SLC15A5: variants seen among roughly 807,000 people sequenced by gnomAD.
The protein encoded by SLC15A5 is solute carrier family 15 member 5.
A neutral mutation model predicts 56.1 loss-of-function variants in SLC15A5; 58 were observed. The observed-to-expected ratio is 1.03, with a 90% CI of 0.84 to 1.29. The LOEUF is 1.29. SLC15A5 is among the 50% of genes most tolerant of loss of function. The pLI, the probability that SLC15A5 is intolerant of heterozygous loss-of-function variation, is 0.00. For synonymous variants in SLC15A5, 264 were observed against 250.5 expected, an observed-to-expected ratio of 1.05 and a Z score of -0.51; for missense variants, 681 against 672.1, an observed-to-expected ratio of 1.01 and a Z score of -0.15.
intron 3 of SLC15A5, among the ~76,000 whole-genome samples, chr12:16,254,649 TAA>T (rs958142778): frequency 2.0e-5 from 3 of 152,122 alleles, no homozygotes; most frequent in African/African-American, 7.2e-5. Context: ...AGTGCTGCAA[TAA>T]ATATGAGGGT....
At chr12:16,259,831 C>T (rs766096500) in intron 2 of SLC15A5, among the ~76,000 whole-genome samples, 7 of 151,154 alleles carry the variant, frequency 4.6e-5, no homozygotes, top group Non-Finnish European at 1.0e-4. Flanking sequence ...TGGAGACTAG[C>T]CTTGCTGCAT....
chr12:16,230,640 G>A (rs931781877), intron 5 of SLC15A5, among the ~76,000 whole-genome samples: 19 of 151,902 alleles, frequency 1.3e-4, no homozygotes, highest in African/African-American at 2.2e-4. Context: ...AAGGCCGGGC[G>A]CGGTGGCTCA....
intron 3 of SLC15A5, among the ~76,000 whole-genome samples, chr12:16,257,240 C>T (rs1326671055): frequency 5.9e-5 from 9 of 151,706 alleles, no homozygotes; most frequent in Non-Finnish European, 1.2e-4. Flanking sequence ...ATAAATATAA[C>T]AAAATACAAG....
At chr12:16,246,082 C>T (rs144440414) in intron 3 of SLC15A5, among the ~76,000 whole-genome samples, 2 of 152,214 alleles carry the variant, frequency 1.3e-5, no homozygotes, top group African/African-American at 4.8e-5. Flanking sequence ...TTGGTAGTGA[C>T]CAAGAATGAT....
At chr12:16,229,099 T>C (rs1029960199) in intron 5 of SLC15A5, among the ~76,000 whole-genome samples, 3 of 152,252 alleles carry the variant, frequency 2.0e-5, no homozygotes, top group Admixed American at 2.0e-4. Context: ...TTGTTTCCAC[T>C]CTTGTCCACC....
intron 3 of SLC15A5, among the ~76,000 whole-genome samples, chr12:16,254,371 T>C (rs544841311): frequency 1.3e-5 from 2 of 152,168 alleles, no homozygotes; most frequent in East Asian, 1.9e-4. Context: ...AGCTTTAGTG[T>C]TGCGGCAAGA....
intron 4 of SLC15A5, among the ~76,000 whole-genome samples, chr12:16,244,142 T>C (rs930488709): frequency 8.5e-5 from 13 of 152,182 alleles, no homozygotes; most frequent in African/African-American, 3.1e-4. Context: ...TTAGTACTTA[T>C]ATTTAAGAGT....
chr12:16,273,509 A>G (rs1591664089), intron 1 of SLC15A5, among the ~76,000 whole-genome samples: 1 of 152,070 alleles, frequency 6.6e-6, no homozygotes, highest in East Asian at 1.9e-4. Flanking sequence ...AAAAATAACT[A>G]TACAATTCCA....
intron 7 of SLC15A5, among the ~76,000 whole-genome samples, chr12:16,210,435 A>G (rs979652507): frequency 2.6e-5 from 4 of 152,224 alleles, no homozygotes; most frequent in Admixed American, 2.6e-4. Context: ...CTGGAGAATT[A>G]AGTGCCATAC....
chr12:16,199,009 A>G (rs932851447), intron 7 of SLC15A5, among the ~76,000 whole-genome samples: 1 of 151,930 alleles, frequency 6.6e-6, no homozygotes, highest in African/African-American at 2.4e-5. Flanking sequence ...CCACCTGGCT[A>G]GTTCCCCTAT....
At position 16,261,004 on chromosome 12, in the gene SLC15A5, T is replaced by C. The variant is rs147238326; in HGVS notation, c.585-3134A>G. On this transcript the variant is annotated intron_variant, in intron 2 of 8. Coordinates refer to ENST00000344941, the MANE Select transcript of SLC15A5 (RefSeq NM_001170798.1). The stretch of plus-strand genomic sequence containing the variant: ...TCAGTTCTGTTCCACTAATCTATCC[T>C]TATGCCAATACCATACTGTCTTGGT... Among the ~76,000 whole-genome samples, 62 of 152,322 alleles carry C rather than the reference T, an allele frequency of 4.1e-4. No individual in the cohort carries two copies. The East Asian group carries it at 0.011, about 28-fold the overall frequency.
Position 16,271,990 on chromosome 12 carries a change from C to T in SLC15A5, c.584+571G>A, listed in dbSNP as rs1591663347. Among the ~76,000 whole-genome samples, 1 of 152,088 alleles carries T rather than the reference C, an allele frequency of 6.6e-6. No individual in the cohort carries two copies. Among genetic ancestry groups the T allele is most frequent in the South Asian group, 2.1e-4 (1 of 4,830 alleles). ...TGATGCTTTAACAAATTGCAAAATA[C>T]TTCTTTCATCTTTGCATCTTCTCTC... is the stretch of plus-strand genomic sequence containing the variant. On this transcript the variant is annotated intron_variant, in intron 2 of 8. Coordinates refer to ENST00000344941, the MANE Select transcript of SLC15A5 (RefSeq NM_001170798.1). This position sits in a 1 kb window ranked among gnomAD's most constrained non-coding sequence, Gnocchi z 8.0.
At chr12:16,193,554 T>C (rs892068889) in intron 8 of SLC15A5, among the ~76,000 whole-genome samples, 28 of 151,898 alleles carry the variant, frequency 1.8e-4, no homozygotes, top group African/African-American at 6.5e-4. Flanking sequence ...ATGGATGAGA[T>C]AATATATGAC....
At chr12:16,273,389 CAG>C (rs1326980181) in intron 1 of SLC15A5, among the ~76,000 whole-genome samples, 4 of 151,782 alleles carry the variant, frequency 2.6e-5, no homozygotes, top group African/African-American at 9.7e-5. Context: ...AAGCTGGGGA[CAG>C]AGGAGTGTGA....
At chr12:16,261,432 C>T (rs1240467842) in intron 2 of SLC15A5, among the ~76,000 whole-genome samples, 2 of 152,142 alleles carry the variant, frequency 1.3e-5, no homozygotes, top group African/African-American at 2.4e-5. Flanking sequence ...CTCTCTGTTG[C>T]CAAGTACTAT....
At chr12:16,228,956 C>T (rs1212394226) in intron 5 of SLC15A5, among the ~76,000 whole-genome samples, 2 of 152,076 alleles carry the variant, frequency 1.3e-5, no homozygotes, top group Non-Finnish European at 2.9e-5. Flanking sequence ...TGCTCCCAAC[C>T]CCTGCGTTGT....
chr12:16,240,981 T>G (rs544972755), intron 4 of SLC15A5, among the ~76,000 whole-genome samples: 7 of 151,940 alleles, frequency 4.6e-5, no homozygotes, highest in Admixed American at 2.6e-4. Flanking sequence ...CCTGGCTAAT[T>G]TTTCTGTATT....
intron 5 of SLC15A5, 107 bp downstream of exon 5, chr12:16,239,574 T>G: frequency 8.9e-7 from 1 of 1,128,836 alleles, no homozygotes; most frequent in Non-Finnish European, 1.2e-6. Flanking sequence ...TTCCATATTA[T>G]CAAAATCTGA....
intron 7 of SLC15A5, among the ~76,000 whole-genome samples, chr12:16,194,713 T>C (rs1863877438): frequency 6.6e-6 from 1 of 152,056 alleles, no homozygotes; most frequent in Admixed American, 6.6e-5. Context: ...AAGAACTGGG[T>C]TGTAAAGGTA....
Sources: allele counts gnomAD v4.1 joint callset (sites outside exome capture counted in the v4.1 genomes callset), GRCh38; gene constraint gnomAD v4.1.1; non-coding constraint Gnocchi (gnomAD v3.1); transcripts MANE v1.5; gene names NCBI Gene and HGNC (gene_info 2026-07-23, HGNC 2026-07-21).